The following TTLL5 variants were observed in gnomAD, a reference collection of about 807,000 sequenced individuals.
The protein encoded by TTLL5 is tubulin polyglutamylase TTLL5.
Under a neutral mutation model 168.4 loss-of-function variants are expected in TTLL5, and 132 were observed. The ratio of observed to expected loss-of-function variants is 0.78; its 90% CI spans 0.68 to 0.91. The LOEUF (loss-of-function observed/expected upper bound fraction) is 0.91, where lower values mean the gene tolerates loss of function less well. Among genes scored for constraint, TTLL5 ranks in the 40% least tolerant of loss-of-function variants. The pLI is 0.00. For synonymous variants in TTLL5, 546 were observed against 558.6 expected, an observed-to-expected ratio of 0.98 and a Z score of 0.32; for missense variants, 1,545 against 1,581.5, an observed-to-expected ratio of 0.98 and a Z score of 0.39.
At chr14:75,717,432 C>T (rs1443468731) in intron 9 of TTLL5, among the ~76,000 whole-genome samples, 1 of 152,150 alleles carries the variant, frequency 6.6e-6, no homozygotes, top group East Asian at 1.9e-4. Flanking sequence ...ATTTCTGGAC[C>T]AGCTAATGCT....
At chr14:75,719,867 G>A in intron 11 of TTLL5, 41 bp downstream of exon 11, 2 of 1,578,676 alleles carry the variant, frequency 1.3e-6, no homozygotes, top group East Asian at 2.2e-5. Flanking sequence ...TCTCTTCTTT[G>A]GATAACTTTA....
In TTLL5 at chr14:75,702,634, C is replaced by G. The variant is rs145919583; in HGVS notation, c.585+3364C>G. Among the ~76,000 whole-genome samples the G allele has an allele frequency of 6.6e-3, 982 of 149,056 alleles. 7 individuals are homozygous for G. Among genetic ancestry groups the G allele is most frequent in the African/African-American group, 9.9e-3 (403 of 40,812 alleles). ...CGAGAACCCTGCGCCCTAACTCTTCCCTGGATGCCGAATCTCAGTGGGGTG... is the reference window on the plus strand; with the variant it reads ...CGAGAACCCTGCGCCCTAACTCTTCGCTGGATGCCGAATCTCAGTGGGGTG... On this transcript the variant is annotated intron_variant, in intron 7 of 31. Transcript: ENST00000298832.
At chr14:75,707,537 C>T (rs1336870398) in intron 8 of TTLL5, 86 bp from the exon 9 acceptor site, 2 of 1,184,386 alleles carry the variant, frequency 1.7e-6, no homozygotes, top group Non-Finnish European at 2.4e-6. Context: ...TTCTTTCTTT[C>T]ATGTTTCTTG....
At chr14:75,931,007 A>T (rs1362302766) in intron 31 of TTLL5, among the ~76,000 whole-genome samples, 1 of 152,060 alleles carries the variant, frequency 6.6e-6, no homozygotes, top group Admixed American at 6.5e-5. Context: ...TTTTCATATT[A>T]TTCTCTAAGA....
Position 75,719,783 on chromosome 14 carries a change from T to C in TTLL5, c.891T>C (p.Ser297=), listed in dbSNP as rs1415176775. The change falls in exon 11 of 32, where the codon AGT becomes AGC. Residue 297 remains serine, a synonymous_variant. Transcript: ENST00000298832. ...VEDYGNKWSM[S]AMLRYLKQEG... is the part of the protein sequence containing the mutation. ...ATTATGGAAACAAATGGAGCATGAG[T>C]GCTATGCTTAGGTACCTGAAACAAG... 6.2e-7 allele frequency: 1 copy of C among 1,613,934 alleles called. No homozygotes were observed. Among genetic ancestry groups the C allele is most frequent in the Non-Finnish European group, 8.5e-7 (1 of 1,179,894 alleles).
chr14:75,787,843 T>C (rs1007106329), intron 26 of TTLL5, among the ~76,000 whole-genome samples: 3 of 152,232 alleles, frequency 2.0e-5, no homozygotes, highest in African/African-American at 4.8e-5. Context: ...CAAAAAGATA[T>C]AGAAGAAACC....
chr14:75,768,148 G>A (rs1283512320), intron 20 of TTLL5, among the ~76,000 whole-genome samples: 1 of 152,094 alleles, frequency 6.6e-6, no homozygotes, highest in Admixed American at 6.6e-5. Context: ...GGTTCAGCAA[G>A]GATAAAAAAA....
Position 75,717,850 on chromosome 14 carries a change from C to T in TTLL5, c.741-11C>T. 1 of 1,612,086 alleles carries T rather than the reference C, an allele frequency of 6.2e-7. No individual in the cohort carries two copies. Among genetic ancestry groups the T allele is most frequent in the African/African-American group, 1.3e-5 (1 of 74,980 alleles). On this transcript the variant is annotated splice_polypyrimidine_tract_variant and intron_variant, in intron 9 of 31. Transcript: ENST00000298832. ...CTGTTCCTGGCATTTAACCTGTTTC[C>T]CTTCTATCAGGTTTGCAACTGTGCG... is the stretch of plus-strand genomic sequence containing the variant.
intron 31 of TTLL5, chr14:75,904,093 A>C: frequency 8.0e-7 from 1 of 1,243,558 alleles, no homozygotes; most frequent in South Asian, 1.4e-5. Context: ...GTTCCCAGCC[A>C]CACTGATCCA....
chr14:75,687,678 A>G (rs1885171655), intron 5 of TTLL5, among the ~76,000 whole-genome samples: 1 of 152,184 alleles, frequency 6.6e-6, no homozygotes, highest in Non-Finnish European at 1.5e-5. Flanking sequence ...CAAAACACAT[A>G]ACTGATAAAG....
intron 31 of TTLL5, among the ~76,000 whole-genome samples, chr14:75,927,479 TAGAA>T (rs1255686988): frequency 6.6e-6 from 1 of 152,188 alleles, no homozygotes; most frequent in African/African-American, 2.4e-5. Flanking sequence ...AGTTAATATT[TAGAA>T]AGTAAGAGGA....
chr14:75,736,275 C>G (rs1210679957), intron 15 of TTLL5, among the ~76,000 whole-genome samples: 1 of 152,132 alleles, frequency 6.6e-6, no homozygotes, highest in Non-Finnish European at 1.5e-5. Flanking sequence ...TTACTCCTCA[C>G]TTTTTTCCTC....
chr14:75,846,164 T>G (rs559897423), intron 28 of TTLL5, among the ~76,000 whole-genome samples: 137 of 152,366 alleles, frequency 9.0e-4, no homozygotes, highest in South Asian at 6.4e-3. Context: ...TATTTACAAT[T>G]TAGACTAAAT....
intron 28 of TTLL5, among the ~76,000 whole-genome samples, chr14:75,858,181 T>C (rs530335618): frequency 3.3e-4 from 50 of 152,308 alleles, no homozygotes; most frequent in African/African-American, 1.1e-3. Flanking sequence ...TTCATAGTGG[T>C]ACTGAGACAT....
chr14:75,859,695 G>C (rs962011222), intron 28 of TTLL5, among the ~76,000 whole-genome samples: 1 of 152,170 alleles, frequency 6.6e-6, no homozygotes, highest in Non-Finnish European at 1.5e-5. Context: ...AATAGAATTC[G>C]TTGAGGTTCA....
At chr14:75,922,690 C>CT (rs1205014268) in intron 31 of TTLL5, among the ~76,000 whole-genome samples, 1 of 152,092 alleles carries the variant, frequency 6.6e-6, no homozygotes, top group African/African-American at 2.4e-5. Context: ...CTAAAATTCT[C>CT]TTTTTTTGTT....
At chr14:75,780,901 C>T (rs1047666117) in intron 24 of TTLL5, among the ~76,000 whole-genome samples, 1 of 152,116 alleles carries the variant, frequency 6.6e-6, no homozygotes, top group Non-Finnish European at 1.5e-5. Context: ...ATGTGTTAGG[C>T]ATTTTCATGG....
intron 27 of TTLL5, among the ~76,000 whole-genome samples, chr14:75,809,721 C>T (rs1041048304): frequency 6.6e-6 from 1 of 152,064 alleles, no homozygotes; most frequent in African/African-American, 2.4e-5. Context: ...CTTCTCCTTC[C>T]CCTTTTTCCC....
chr14:75,747,662 A>G (rs1889694809), intron 17 of TTLL5, among the ~76,000 whole-genome samples: 1 of 151,942 alleles, frequency 6.6e-6, no homozygotes, highest in Non-Finnish European at 1.5e-5. Flanking sequence ...TAGTTCCTCC[A>G]CTAAAGAGTC....
Sources: allele counts gnomAD v4.1 joint callset (sites outside exome capture counted in the v4.1 genomes callset), GRCh38; gene constraint gnomAD v4.1.1; transcripts MANE v1.5; gene names NCBI Gene and HGNC (gene_info 2026-07-23, HGNC 2026-07-21).